The following SLC4A11 variants were observed in gnomAD, a reference collection of about 807,000 sequenced individuals.
The protein encoded by SLC4A11 is solute carrier family 4 member 11.
SLC4A11 carries 74 observed loss-of-function variants against 95.0 expected under a neutral mutation model. The observed-to-expected ratio is 0.78, with a 90% CI of 0.65 to 0.95. The LOEUF is 0.95. SLC4A11 is among the 40% of genes least tolerant of loss of function. SLC4A11 has a pLI of 0.00. For missense variants in SLC4A11, 1,081 were observed against 1,192.4 expected (o/e 0.91, Z 1.38); for synonymous variants, 548 against 519.0 (o/e 1.06, Z -0.76).
chr20:3,232,978 T>G (rs899618099), intron 7 of SLC4A11, among the ~76,000 whole-genome samples: 3 of 152,202 alleles, frequency 2.0e-5, no homozygotes, highest in African/African-American at 7.2e-5. Context: ...GAACCCCATT[T>G]GCACACAGAA....
At chr20:3,230,306 G>A in intron 12 of SLC4A11, 46 bp from the exon 13 acceptor site, 1 of 1,607,890 alleles carries the variant, frequency 6.2e-7, no homozygotes, top group East Asian at 2.2e-5. Context: ...TGGTCAGGGG[G>A]CAGGTGGGGG....
At chr20:3,229,303 T>C (rs1457683152) in intron 15 of SLC4A11, 40 bp from the exon 16 acceptor site, 2 of 1,613,028 alleles carry the variant, frequency 1.2e-6, no homozygotes, top group South Asian at 1.1e-5. Flanking sequence ...CTGCAGCGCC[T>C]GGGGAGCTAC....
At position 3,231,069 on chromosome 20, in the gene SLC4A11, G is replaced by A. The variant is rs758778128; in HGVS notation, c.1043-11C>T. ...TTTTCCCAATAATGCCTAGGAATGG[G>A]GGATGGGAGAGAGGGTTTGCTGGGG... On this transcript the variant is annotated splice_polypyrimidine_tract_variant and intron_variant, in intron 9 of 19. Coordinates refer to ENST00000642402, the MANE Select transcript of SLC4A11 (RefSeq NM_001174089.2). This position sits in a 1 kb window ranked among gnomAD's most constrained non-coding sequence, Gnocchi z 5.2. 6.2e-7 allele frequency: 1 copy of A among 1,608,182 alleles called. No individual in the cohort carries two copies. Among genetic ancestry groups the A allele is most frequent in the South Asian group, 1.1e-5 (1 of 91,082 alleles).
Position 3,229,781 on chromosome 20 carries a change from G to A in SLC4A11, c.1490-5C>T. On this transcript the variant is annotated splice_region_variant and splice_polypyrimidine_tract_variant and intron_variant, in intron 13 of 19. Coordinates refer to ENST00000642402, the MANE Select transcript of SLC4A11 (RefSeq NM_001174089.2). ...CATAGTAGTACTTCCAGAAGACTGT[G>A]GACACACACCCACAGGCCTCAGCCC... 2 of 1,613,834 alleles carry A rather than the reference G, an allele frequency of 1.2e-6. No homozygotes were observed. Among genetic ancestry groups the A allele is most frequent in the Non-Finnish European group, 1.7e-6 (2 of 1,179,976 alleles).
At chr20:3,230,420 T>G in intron 12 of SLC4A11, 95 bp downstream of exon 12, 1 of 1,590,980 alleles carries the variant, frequency 6.3e-7, no homozygotes. Flanking sequence ...GGGGCAGCAA[T>G]ATGGTGGGGG....
rs572821653 is a variant in SLC4A11 at position 3,235,667 on chromosome 20, G to T, written c.89-773C>A. On this transcript the variant is annotated intron_variant, in intron 2 of 19. Coordinates refer to ENST00000642402, the MANE Select transcript of SLC4A11 (RefSeq NM_001174089.2). ...CTCCCCTTGGTCCTCAATTCCTGCA[G>T]CTGGCCAGCAGCACACCCCTCTTCC... is the stretch of plus-strand genomic sequence containing the variant. 2.6e-5 allele frequency among the ~76,000 whole-genome samples: 4 copies of T among 152,070 alleles called. No individual in the cohort carries two copies. In the South Asian group the frequency reaches 6.2e-4, roughly 24 times the overall value.
At chr20:3,233,367 T>C in intron 7 of SLC4A11, 147 bp downstream of exon 7, 1 of 1,188,392 alleles carries the variant, frequency 8.4e-7, no homozygotes, top group Admixed American at 2.0e-5. Flanking sequence ...CCTAGCAACA[T>C]GTTTCTGACA....
rs767674273 is a variant in SLC4A11 at position 3,234,549 on chromosome 20, T to A, written c.291+19A>T. 20 of 1,613,728 alleles carry A rather than the reference T, an allele frequency of 1.2e-5. No individual in the cohort carries two copies. In the South Asian group the frequency reaches 2.0e-4, roughly 16 times the overall value. On this transcript the variant is annotated intron_variant, in intron 4 of 19. Coordinates refer to ENST00000642402, the MANE Select transcript of SLC4A11 (RefSeq NM_001174089.2). The surrounding 1 kb of genome is among the most constrained non-coding windows in gnomAD (Gnocchi z 5.8). Reference sequence around the variant, plus strand: ...CCCAGGTAGAGGCCCCAGGACCACCTGCAGGACAGGCCATTCACCTTTCGG... The same window carrying A: ...CCCAGGTAGAGGCCCCAGGACCACCAGCAGGACAGGCCATTCACCTTTCGG...
chr20:3,239,264 C>T (rs1312995093), upstream of SLC4A11: 6 of 1,213,998 alleles, frequency 4.9e-6, no homozygotes, highest in Non-Finnish European at 6.1e-6. Context: ...CGCCTGGGTC[C>T]TAATGCCGCT....
intron 19 of SLC4A11, 106 bp downstream of exon 19, chr20:3,228,153 C>CCCCA: frequency 9.8e-7 from 1 of 1,017,546 alleles, no homozygotes; most frequent in Non-Finnish European, 1.5e-6. Context: ...CCAACCCGCC[C>CCCCA]ATTCTCCGCC....
intron 6 of SLC4A11, 36 bp downstream of exon 6, chr20:3,233,885 C>A (rs376271654): frequency 6.8e-6 from 11 of 1,607,546 alleles, no homozygotes; most frequent in Admixed American, 6.7e-5. Flanking sequence ...AGTTCCACTG[C>A]GACAAGAAGG....
chr20:3,227,690 G>A lies in SLC4A11; in HGVS notation c.*97C>T. 7.6e-7 allele frequency: 1 copy of A among 1,311,914 alleles called. No individual in the cohort carries two copies. The highest frequency in any genetic ancestry group is 1.1e-6 in the Non-Finnish European group (1 of 928,934). 81.3% of individuals were successfully genotyped at this position (1,311,914 alleles called of 1,614,324 possible). A position where few individuals can be genotyped will look rare whatever the true frequency, so the allele number is the denominator to read the frequency against. On this transcript the variant is annotated 3_prime_UTR_variant, in exon 20 of 20. Coordinates refer to ENST00000642402, the MANE Select transcript of SLC4A11 (RefSeq NM_001174089.2). ...CAGCCATGAGAAGGCGCAGCACAGA[G>A]CAGTCACCCACACACCTACACCTCC...
At chr20:3,233,711 C>T (rs1021705708) in intron 6 of SLC4A11, 74 bp from the exon 7 acceptor site, 103 of 1,597,910 alleles carry the variant, frequency 6.4e-5, no homozygotes, top group Admixed American at 8.4e-5. Flanking sequence ...AGAACCCCCT[C>T]GACCTTGACC....
chr20:3,238,395 G>A lies in SLC4A11; in HGVS notation c.43+700C>T, dbSNP rs1003009200. On this transcript the variant is annotated intron_variant, in intron 1 of 19. Transcript: ENST00000642402. ...CGGGGCGCAGGATGTGAATGCAGGC[G>A]CGGGGCGGGAGCCGGGGCTGCATCC... 49 of 984,996 alleles carry A rather than the reference G, an allele frequency of 5.0e-5. No individual in the cohort carries two copies. The African/African-American group carries it at 7.0e-4, about 14-fold the overall frequency. 61.0% of individuals were successfully genotyped at this position (984,996 alleles called of 1,614,324 possible). A position where few individuals can be genotyped will look rare whatever the true frequency, so the allele number is the denominator to read the frequency against.
In SLC4A11 at chr20:3,231,495, C is replaced by T. The variant is rs780079029; in HGVS notation, c.783G>A (p.Ser261=). 49 of 1,613,918 alleles carry T rather than the reference C, an allele frequency of 3.0e-5. 1 individual carries two copies. The South Asian group carries it at 3.4e-4, about 11-fold the overall frequency. Residue 261 remains serine, a synonymous_variant, in exon 8 of 20, where the codon TCG becomes TCA. Coordinates refer to ENST00000642402, the MANE Select transcript of SLC4A11 (RefSeq NM_001174089.2). This position sits in a 1 kb window ranked among gnomAD's most constrained non-coding sequence, Gnocchi z 5.2. ...EVARTFATMF[S]DIAFRQKLLE... is the part of the protein sequence containing the mutation. ...GGAGCTTCTGGCGGAAGGCGATATC[C>T]GAGAACATGGTGGCAAACGTGCGCG...
Position 3,229,440 on chromosome 20 carries a change from G to T in SLC4A11, c.1755C>A (p.His585Gln), listed in dbSNP as rs1358009429. The T allele has an allele frequency of 6.2e-7, 1 of 1,613,272 alleles. No homozygotes were observed. ...LYQFKKSPYL[H>Q]PCVREILSDC... ...CGGACAGGATCTCTCGCACGCAGGG[G>T]TGCAGGTAGGGGCTGGGGACAGCAG... The change falls in exon 15 of 20, where the codon CAC becomes CAA. Residue 585 changes from histidine to glutamine, a missense_variant. By Grantham distance (24) the His-to-Gln change is conservative (BLOSUM62 0). Transcript: ENST00000642402.
intron 6 of SLC4A11, 81 bp from the exon 7 acceptor site, chr20:3,233,718 G>A: frequency 1.3e-6 from 2 of 1,589,398 alleles, no homozygotes; most frequent in Non-Finnish European, 1.7e-6. Flanking sequence ...CCTCGACCTT[G>A]ACCCCTGGCG....
At chr20:3,237,996 A>T (rs2068040904) in intron 1 of SLC4A11, 1 of 1,547,606 alleles carries the variant, frequency 6.5e-7, no homozygotes, top group African/African-American at 1.4e-5. Flanking sequence ...TCGGATGCCA[A>T]GGCGGGGGAT....
rs1424209193 is a variant in SLC4A11, at chr20:3,234,322, G to C, written c.292-8C>G. On this transcript the variant is annotated splice_polypyrimidine_tract_variant and splice_region_variant and intron_variant, in intron 4 of 19. Coordinates refer to ENST00000642402, the MANE Select transcript of SLC4A11 (RefSeq NM_001174089.2). This position sits in a 1 kb window ranked among gnomAD's most constrained non-coding sequence, Gnocchi z 5.8. ...GTTCTTTAACTTCAGGTACTGAGGG[G>C]ACCCCAGGGACAGAACCACACGGGC... is the stretch of plus-strand genomic sequence containing the variant. 6.2e-7 allele frequency: 1 copy of C among 1,612,504 alleles called. No homozygotes were observed.
Sources: gnomAD v4.1 joint callset for allele counts (sites outside exome capture counted in the v4.1 genomes callset) on GRCh38, gnomAD v4.1.1 for gene constraint, Gnocchi (gnomAD v3.1) non-coding constraint, MANE v1.5 for transcripts, NCBI Gene and HGNC (gene_info 2026-07-23, HGNC 2026-07-21) for gene names.